INPP4B: variants seen among roughly 807,000 people sequenced by gnomAD.
The protein encoded by INPP4B is inositol polyphosphate 4-phosphatase type II.
Under a neutral mutation model 122.5 loss-of-function variants are expected in INPP4B, and 55 were observed. That is an observed-to-expected ratio of 0.45 (90% confidence interval 0.36 to 0.56). The LOEUF (loss-of-function observed/expected upper bound fraction) is 0.56. Ranked by LOEUF, INPP4B falls within the 20% of genes least tolerant of loss-of-function variation. The pLI is 0.00. For missense variants in INPP4B, 1,000 were observed against 1,097.7 expected (o/e 0.91, Z 1.26); for synonymous variants, 403 against 388.7 (o/e 1.04, Z -0.43).
chr4:142,805,500 G>A (rs1432346191), intron 1 of INPP4B, among the ~76,000 whole-genome samples: 1 of 152,134 alleles, frequency 6.6e-6, no homozygotes, highest in Non-Finnish European at 1.5e-5. Context: ...TGGCCCTTGA[G>A]CAACATGGGT....
chr4:142,413,663 T>A (rs889285095), intron 5 of INPP4B, among the ~76,000 whole-genome samples: 1 of 152,218 alleles, frequency 6.6e-6, no homozygotes, highest in African/African-American at 2.4e-5. Context: ...TTAGCTCACA[T>A]CTAGAACAAC....
At chr4:142,037,685 C>A (rs1018192163) in intron 25 of INPP4B, among the ~76,000 whole-genome samples, 12 of 152,256 alleles carry the variant, frequency 7.9e-5, no homozygotes, top group Non-Finnish European at 7.4e-5. Flanking sequence ...GAGCCAATAT[C>A]TTGCAGAGCT....
intron 25 of INPP4B, among the ~76,000 whole-genome samples, chr4:142,055,456 G>C: frequency 6.6e-6 from 1 of 151,966 alleles, no homozygotes; most frequent in Non-Finnish European, 1.5e-5. Context: ...AAATAGGGAA[G>C]TTTTTTCCTA....
chr4:142,588,343 G>A (rs1472336090), intron 2 of INPP4B, among the ~76,000 whole-genome samples: 1 of 151,740 alleles, frequency 6.6e-6, no homozygotes, highest in Non-Finnish European at 1.5e-5. Flanking sequence ...CAAATGTAAA[G>A]AGAAGAAATA....
At chr4:142,380,468 C>T (rs1793699090) in intron 7 of INPP4B, among the ~76,000 whole-genome samples, 1 of 152,076 alleles carries the variant, frequency 6.6e-6, no homozygotes, top group Non-Finnish European at 1.5e-5. Flanking sequence ...AACGGTCCCT[C>T]CCATAGGAAA....
rs571631132 is a variant in INPP4B at position 142,493,023 on chromosome 4, G to A, written c.-190-30297C>T. Reference sequence around the variant, plus strand: ...GGTGCCCTATATCCCAGCTGCTTCAGCTTCAGCTGTGGCTAAAAGATGCCA... The same window carrying A: ...GGTGCCCTATATCCCAGCTGCTTCAACTTCAGCTGTGGCTAAAAGATGCCA... On this transcript the variant is annotated intron_variant, in intron 2 of 25. Transcript: ENST00000262992. Among the ~76,000 whole-genome samples the A allele has an allele frequency of 5.3e-5, 8 of 152,340 alleles. No homozygotes were observed. The South Asian group carries it at 1.7e-3, about 32-fold the overall frequency.
rs867943873 is a variant in INPP4B, at chr4:142,448,342, A to C, written c.-127+14321T>G. ...CCTATCCATCTCCAAAAAAAAAAAAAAAAAAAAAAAACACCGAGCAAGTCT... is the reference window on the plus strand; with the variant it reads ...CCTATCCATCTCCAAAAAAAAAAAACAAAAAAAAAAACACCGAGCAAGTCT... On this transcript the variant is annotated intron_variant, in intron 3 of 25. Transcript: ENST00000262992. Among the ~76,000 whole-genome samples the C allele has an allele frequency of 2.0e-5, 3 of 151,650 alleles. No individual in the cohort carries two copies. The South Asian group carries it at 6.3e-4, about 32-fold the overall frequency.
At chr4:142,817,261 A>G (rs766250561) in intron 1 of INPP4B, among the ~76,000 whole-genome samples, 4 of 152,176 alleles carry the variant, frequency 2.6e-5, no homozygotes, top group African/African-American at 4.8e-5. Flanking sequence ...TGACTACAGT[A>G]TAAGAGTTTT....
At chr4:142,267,333 T>C (rs1743305802) in intron 10 of INPP4B, among the ~76,000 whole-genome samples, 1 of 152,134 alleles carries the variant, frequency 6.6e-6, no homozygotes, top group African/African-American at 2.4e-5. Context: ...GTTATCATAA[T>C]CAAAGTGGCA....
At chr4:142,826,733 T>C (rs758918807) in intron 1 of INPP4B, among the ~76,000 whole-genome samples, 4 of 152,164 alleles carry the variant, frequency 2.6e-5, no homozygotes, top group Non-Finnish European at 4.4e-5. Context: ...TTCACTCTGA[T>C]AAGAGCTCTC....
intron 25 of INPP4B, among the ~76,000 whole-genome samples, chr4:142,068,625 G>A (rs994082610): frequency 6.6e-6 from 1 of 152,126 alleles, no homozygotes; most frequent in Non-Finnish European, 1.5e-5. Flanking sequence ...CAAAATAAAG[G>A]GATGGAGAAA....
At chr4:142,176,395 T>C (rs1828292996) in intron 15 of INPP4B, among the ~76,000 whole-genome samples, 2 of 152,004 alleles carry the variant, frequency 1.3e-5, no homozygotes, top group Admixed American at 1.3e-4. Context: ...GTGTCTTCTC[T>C]GGCCTCTCAT....
At chr4:142,137,264 G>A (rs1168068881) in intron 18 of INPP4B, among the ~76,000 whole-genome samples, 1 of 149,158 alleles carries the variant, frequency 6.7e-6, no homozygotes, top group Admixed American at 6.8e-5. Context: ...TGACAAACCT[G>A]AGAAAAACAA....
intron 16 of INPP4B, among the ~76,000 whole-genome samples, chr4:142,167,279 A>AAC (rs906608515): frequency 1.1e-4 from 17 of 151,954 alleles, no homozygotes; most frequent in African/African-American, 4.1e-4. Flanking sequence ...ATCCTCAGCA[A>AAC]ACACACACAG....
chr4:142,282,666 T>G (rs1751733682), intron 9 of INPP4B, among the ~76,000 whole-genome samples: 1 of 152,164 alleles, frequency 6.6e-6, no homozygotes, highest in Admixed American at 6.5e-5. Context: ...AAGGCCATTC[T>G]TGCCATAAGG....
intron 2 of INPP4B, among the ~76,000 whole-genome samples, chr4:142,651,395 AC>A (rs1752931992): frequency 6.6e-6 from 1 of 152,196 alleles, no homozygotes; most frequent in African/African-American, 2.4e-5. Context: ...AGAGATAGAG[AC>A]ATAAAAAATT....
At chr4:142,787,533 G>C (rs930993293) in intron 1 of INPP4B, among the ~76,000 whole-genome samples, 1 of 151,940 alleles carries the variant, frequency 6.6e-6, no homozygotes, top group African/African-American at 2.4e-5. Flanking sequence ...TTGTGTTTTA[G>C]CAGCACAAAA....
chr4:142,744,636 T>C lies in INPP4B; in HGVS notation c.-253-18735A>G, dbSNP rs59622373. On this transcript the variant is annotated intron_variant, in intron 1 of 25. Coordinates refer to ENST00000262992, the MANE Select transcript of INPP4B (RefSeq NM_001101669.3). ...TAACAATGAGCCAATATCTTTAACA[T>C]GCTGAAAAAATTTATTTGAGAATTT... 5.8e-3 allele frequency among the ~76,000 whole-genome samples: 883 copies of C among 151,884 alleles called. 8 individuals carry two copies. The highest frequency in any genetic ancestry group is 0.02 in the African/African-American group (831 of 41,510).
rs562395127 is a variant in INPP4B at position 142,357,613 on chromosome 4, T to C, written c.373-42851A>G. On this transcript the variant is annotated intron_variant, in intron 7 of 25. Coordinates refer to ENST00000262992, the MANE Select transcript of INPP4B (RefSeq NM_001101669.3). ...AGATTATGGGGAGAGGCCTCATCTT[T>C]ATCTAGGAAAGTCCTCATATTCATC... Among the ~76,000 whole-genome samples, 338 of 152,106 alleles carry C rather than the reference T, an allele frequency of 2.2e-3. 1 individual carries two copies. Among genetic ancestry groups the C allele is most frequent in the Non-Finnish European group, 3.1e-3 (211 of 67,940 alleles).
Sources: allele counts gnomAD v4.1 joint callset (sites outside exome capture counted in the v4.1 genomes callset), GRCh38; gene constraint gnomAD v4.1.1; transcripts MANE v1.5; gene names NCBI Gene and HGNC (gene_info 2026-07-23, HGNC 2026-07-21).